The following ALG8 variants were observed in gnomAD, a reference collection of about 807,000 sequenced individuals.
ALG8 encodes the protein dolichyl pyrophosphate Glc1Man9GlcNAc2 alpha-1,3-glucosyltransferase.
ALG8 carries 48 observed loss-of-function variants against 70.2 expected under a neutral mutation model. That is an observed-to-expected ratio of 0.68 (90% CI 0.54 to 0.87). ALG8 has a LOEUF of 0.87. ALG8 is among the 40% of genes least tolerant of loss of function. The pLI, the probability that ALG8 is intolerant of heterozygous loss-of-function variation, is 0.00. For missense variants in ALG8, 572 were observed against 608.7 expected (o/e 0.94, Z 0.64); for synonymous variants, 234 against 229.0 (o/e 1.02, Z -0.20).
At chr11:78,113,861 G>GAAAAAAAAAAAAAAAAAAAAAAAAAAA in intron 7 of ALG8, 25 bp downstream of exon 7, 1 of 1,241,914 alleles carries the variant, frequency 8.1e-7, no homozygotes, top group Non-Finnish European at 1.1e-6. Flanking sequence ...TGTATTAATT[G>GAAAAAAAAAAAAAAAAAAAAAAAAAAA]AAAAAAAAAA....
intron 1 of ALG8, among the ~76,000 whole-genome samples, chr11:78,131,983 A>G (rs1331537736): frequency 6.6e-6 from 1 of 152,208 alleles, no homozygotes; most frequent in Non-Finnish European, 1.5e-5. Flanking sequence ...AGTCTAAAAG[A>G]TATTTTTGGA....
intron 1 of ALG8, among the ~76,000 whole-genome samples, chr11:78,128,668 T>G (rs545574051): frequency 6.6e-6 from 1 of 150,828 alleles, no homozygotes; most frequent in Admixed American, 6.6e-5. Context: ...TGGAGTGCAG[T>G]AGTGCGATCT....
intron 5 of ALG8, among the ~76,000 whole-genome samples, chr11:78,118,458 A>G (rs1207712389): frequency 1.3e-5 from 2 of 151,428 alleles, no homozygotes; most frequent in Admixed American, 1.3e-4. Context: ...TCTAATAAAA[A>G]TACAAAAATT....
Position 78,101,181 on chromosome 11 carries a change from A to C in ALG8, c.1364T>G (p.Leu455Arg), listed in dbSNP as rs1211038207. 1.9e-6 allele frequency: 3 copies of C among 1,613,864 alleles called. No individual in the cohort carries two copies. The highest frequency in any genetic ancestry group is 2.5e-6 in the Non-Finnish European group (3 of 1,179,876). ...GTAGAAAGTTTCCATCCAATTAAAA[A>C]GAGGTTTTTCTTTTCTGAAGGAAAA... ...LKTLFRKEKP[L>R]FNWMETFYLL... The change falls in exon 13 of 13, where the codon CTT becomes CGT. Residue 455 changes from leucine (L) to arginine (R), a missense_variant. Coordinates refer to ENST00000299626, the MANE Select transcript of ALG8 (RefSeq NM_024079.5).
chr11:78,106,580 T>C (rs919072199), intron 10 of ALG8, among the ~76,000 whole-genome samples: 1 of 152,192 alleles, frequency 6.6e-6, no homozygotes, highest in African/African-American at 2.4e-5. Context: ...ACTACAGTGC[T>C]TCTTTCCAAA....
At chr11:78,137,255 C>G (rs1198537453) in intron 1 of ALG8, 1 of 152,244 alleles carries the variant, frequency 6.6e-6, no homozygotes, top group Non-Finnish European at 1.5e-5. Context: ...TCTTAGGCTT[C>G]AAAGAATTGA....
chr11:78,111,866 CTG>C (rs1016855008), intron 8 of ALG8, among the ~76,000 whole-genome samples: 13 of 152,156 alleles, frequency 8.5e-5, no homozygotes, highest in African/African-American at 3.1e-4. Flanking sequence ...AAACCATAGC[CTG>C]GGTTTTTCAT....
intron 10 of ALG8, among the ~76,000 whole-genome samples, chr11:78,104,906 G>T (rs1166189213): frequency 6.6e-6 from 1 of 151,802 alleles, no homozygotes; most frequent in Admixed American, 6.6e-5. Context: ...AGAGGATGCA[G>T]TGAGCCGAGA....
intron 5 of ALG8, among the ~76,000 whole-genome samples, chr11:78,115,799 T>C (rs2136907918): frequency 6.6e-6 from 1 of 152,366 alleles, no homozygotes; most frequent in South Asian, 2.1e-4. Flanking sequence ...AGTAATAACA[T>C]ACTGCAAACT....
At chr11:78,123,313 A>G (rs1460810469) in intron 3 of ALG8, among the ~76,000 whole-genome samples, 1 of 113,584 alleles carries the variant, frequency 8.8e-6, no homozygotes, top group East Asian at 2.6e-4. Flanking sequence ...AGGGAAAAAA[A>G]AGAAAAAAAA....
At chr11:78,119,939 C>T (rs556315838) in intron 4 of ALG8, among the ~76,000 whole-genome samples, 10 of 151,734 alleles carry the variant, frequency 6.6e-5, no homozygotes, top group African/African-American at 2.2e-4. Flanking sequence ...CCGTCTCTAC[C>T]GAAAATACAA....
chr11:78,137,495 C>T (rs1480042799), intron 1 of ALG8: 1 of 152,276 alleles, frequency 6.6e-6, no homozygotes, highest in Non-Finnish European at 1.5e-5. Context: ...TCTTGGCTTT[C>T]AGGATGCCTT....
At chr11:78,104,922 C>T (rs1276545960) in intron 10 of ALG8, among the ~76,000 whole-genome samples, 2 of 151,756 alleles carry the variant, frequency 1.3e-5, no homozygotes, top group African/African-American at 4.8e-5. Context: ...CGAGATCGCG[C>T]CACTGCACTC....
In ALG8 at chr11:78,127,339, G is replaced by C; in HGVS notation, c.174+19C>G. 1.3e-6 allele frequency: 2 copies of C among 1,580,662 alleles called. No homozygotes were observed. Among genetic ancestry groups the C allele is most frequent in the Non-Finnish European group, 1.7e-6 (2 of 1,153,088 alleles). ...TATAGATGAATCTTAAAAAAAAAAA[G>C]GTGAAAATTAAAACTTACCTCATAA... is the stretch of plus-strand genomic sequence containing the variant. On this transcript the variant is annotated intron_variant, in intron 2 of 12. Coordinates refer to ENST00000299626, the MANE Select transcript of ALG8 (RefSeq NM_024079.5).
At chr11:78,109,867 G>A (rs1023177584) in intron 8 of ALG8, among the ~76,000 whole-genome samples, 10 of 152,206 alleles carry the variant, frequency 6.6e-5, no homozygotes, top group African/African-American at 2.4e-4. Context: ...ACCTCTGAAA[G>A]CAAGCTTCTA....
At chr11:78,109,360 C>G (rs1437791010) in intron 9 of ALG8, 82 bp downstream of exon 9, 1 of 1,576,190 alleles carries the variant, frequency 6.3e-7, no homozygotes, top group African/African-American at 1.4e-5. Context: ...GTTGGAAGAG[C>G]TTGAAAGTTG....
chr11:78,124,131 A>G lies in ALG8; in HGVS notation c.258T>C (p.Asp86=). ...YILSHVAKYF[D]QEMLNVHNLN... ...AATTATGGACATTCAGCATTTCTTG[A>G]TCAAAATATTTGGCAACATGTGACA... The change falls in exon 3 of 13, where the codon GAT becomes GAC. Residue 86 remains aspartate (D), a synonymous_variant. Transcript: ENST00000299626. The G allele has an allele frequency of 4.3e-6, 7 of 1,614,184 alleles. No individual in the cohort carries two copies. Among genetic ancestry groups the G allele is most frequent in the Non-Finnish European group, 5.9e-6 (7 of 1,180,020 alleles).
At chr11:78,105,705 CT>C (rs201616826) in intron 10 of ALG8, among the ~76,000 whole-genome samples, 31,023 of 132,298 alleles carry the variant, frequency 0.23, 3,904 homozygotes, top group African/African-American at 0.38. Flanking sequence ...TTTTAACTAT[CT>C]TTTTTTTTTT....
At chr11:78,113,859 T>C (rs1304155591) in intron 7 of ALG8, 27 bp downstream of exon 7, 10 of 1,075,948 alleles carry the variant, frequency 9.3e-6, no homozygotes, top group Admixed American at 5.1e-5. Context: ...CATGTATTAA[T>C]TGAAAAAAAA....
Sources: allele counts gnomAD v4.1 joint callset (sites outside exome capture counted in the v4.1 genomes callset), GRCh38; gene constraint gnomAD v4.1.1; transcripts MANE v1.5; gene names NCBI Gene and HGNC (gene_info 2026-07-23, HGNC 2026-07-21).